Variants in PTPRT observed in about 807,000 individuals in gnomAD.
PTPRT encodes protein tyrosine phosphatase receptor type T.
In PTPRT, 56 loss-of-function variants were observed where a neutral mutation model predicts 176.8. The observed-to-expected ratio is 0.32, with a 90% CI of 0.26 to 0.40. The LOEUF (loss-of-function observed/expected upper bound fraction) is 0.40, where lower values mean the gene tolerates loss of function less well. PTPRT is among the 10% of genes least tolerant of loss of function. PTPRT has a pLI of 1.00. For synonymous variants in PTPRT, 783 were observed against 739.0 expected (o/e 1.06, Z -0.96); for missense variants, 1,540 against 1,908.2 (o/e 0.81, Z 3.60).
chr20:42,270,383 G>A, intron 13 of PTPRT: 2 of 1,546,816 alleles, frequency 1.3e-6, no homozygotes, highest in Non-Finnish European at 8.7e-7. Context: ...CCCGCCCAGG[G>A]CTCTGGTGAT....
chr20:42,211,008 T>C (rs868403441), intron 15 of PTPRT, among the ~76,000 whole-genome samples: 3,592 of 152,204 alleles, frequency 0.024, 62 homozygotes, highest in Middle Eastern at 0.051. Context: ...TACAACTGTC[T>C]GATCTTTGAC....
the PTPRT span, among the ~76,000 whole-genome samples, chr20:42,053,063 A>C: frequency 6.6e-6 from 1 of 152,196 alleles, no homozygotes; most frequent in African/African-American, 2.4e-5. Flanking sequence ...TTATTTATAA[A>C]AATAAGTGGC....
At chr20:43,023,113 A>G (rs959519645) in intron 1 of PTPRT, among the ~76,000 whole-genome samples, 2 of 152,200 alleles carry the variant, frequency 1.3e-5, no homozygotes, top group Non-Finnish European at 2.9e-5. Context: ...AATATGAAGG[A>G]CCAGAAGTAT....
chr20:42,105,653 G>A (rs1986369579), intron 24 of PTPRT, among the ~76,000 whole-genome samples: 1 of 152,214 alleles, frequency 6.6e-6, no homozygotes, highest in Non-Finnish European at 1.5e-5. Flanking sequence ...ATGTCTGACT[G>A]CAACCAGCAA....
At chr20:42,814,347 C>T (rs567385392) in intron 2 of PTPRT, among the ~76,000 whole-genome samples, 7 of 152,204 alleles carry the variant, frequency 4.6e-5, no homozygotes, top group Non-Finnish European at 7.4e-5. Context: ...GTGATCTTAA[C>T]GCAAATATCT....
intron 9 of PTPRT, among the ~76,000 whole-genome samples, chr20:42,409,520 T>TAAAAAAAAAAAA (rs2058993773): frequency 8.1e-6 from 1 of 123,148 alleles, no homozygotes; most frequent in Non-Finnish European, 1.7e-5. Flanking sequence ...AAAAAAAAAG[T>TAAAAAAAAAAAA]ATTATTTATA....
At chr20:43,187,070 G>A (rs917253310) in intron 1 of PTPRT, among the ~76,000 whole-genome samples, 1 of 152,142 alleles carries the variant, frequency 6.6e-6, no homozygotes, top group African/African-American at 2.4e-5. Flanking sequence ...AAACCGTCGT[G>A]GCTCAAGAAA....
intron 9 of PTPRT, among the ~76,000 whole-genome samples, chr20:42,396,613 G>T (rs933124124): frequency 6.6e-6 from 1 of 152,184 alleles, no homozygotes; most frequent in Non-Finnish European, 1.5e-5. Flanking sequence ...TTAGGCTATA[G>T]TGCAGTGGTG....
intron 1 of PTPRT, among the ~76,000 whole-genome samples, chr20:42,947,397 G>A (rs1250554307): frequency 6.6e-6 from 1 of 152,072 alleles, no homozygotes; most frequent in Non-Finnish European, 1.5e-5. Flanking sequence ...AAGGGAAGGG[G>A]TCCCCTTCCT....
At chr20:42,971,515 GT>G (rs1383530443) in intron 1 of PTPRT, 1 of 152,086 alleles carries the variant, frequency 6.6e-6, no homozygotes, top group Non-Finnish European at 1.5e-5. Context: ...CATGTGGTCT[GT>G]CCCCCACCCA....
chr20:42,281,602 C>T (rs2057140218), intron 13 of PTPRT, among the ~76,000 whole-genome samples: 1 of 152,106 alleles, frequency 6.6e-6, no homozygotes, highest in African/African-American at 2.4e-5. Context: ...CATACACATA[C>T]ATACTTGGGT....
intron 1 of PTPRT, among the ~76,000 whole-genome samples, chr20:42,903,902 T>A (rs565573518): frequency 6.6e-6 from 1 of 152,332 alleles, no homozygotes; most frequent in Admixed American, 6.5e-5. Flanking sequence ...TCCTCTCTAA[T>A]GTTGACACTT....
rs190814615 is a variant in PTPRT at position 43,107,042 on chromosome 20, G to A, written c.88+82604C>T. 8.3e-4 allele frequency among the ~76,000 whole-genome samples: 127 copies of A among 152,128 alleles called. 2 individuals are homozygous for A. In the East Asian group the frequency reaches 0.017, roughly 21 times the overall value. On this transcript the variant is annotated intron_variant, in intron 1 of 30. Transcript: ENST00000373187. ...CAATCTCAGGTGATCCGCCCGCCTC[G>A]GCCTCCCAAAGTGCTGGGATTACAG...
At chr20:42,487,954 T>C (rs2071492126) in intron 7 of PTPRT, among the ~76,000 whole-genome samples, 1 of 152,236 alleles carries the variant, frequency 6.6e-6, no homozygotes, top group Non-Finnish European at 1.5e-5. Context: ...TCTTGTAAAA[T>C]ACATGTAATT....
intron 1 of PTPRT, among the ~76,000 whole-genome samples, chr20:43,173,456 G>A (rs117518616): frequency 0.033 from 4,965 of 152,306 alleles, 139 homozygotes; most frequent in Admixed American, 0.068. Flanking sequence ...AAATGCAAAA[G>A]CAGTCCCATC....
chr20:42,497,068 G>T (rs544282085), intron 7 of PTPRT, among the ~76,000 whole-genome samples: 1 of 152,088 alleles, frequency 6.6e-6, no homozygotes, highest in East Asian at 1.9e-4. Context: ...CCCAGAGAAC[G>T]AATGGAACCA....
intron 12 of PTPRT, among the ~76,000 whole-genome samples, chr20:42,297,586 G>T (rs938195941): frequency 6.6e-6 from 1 of 152,094 alleles, no homozygotes; most frequent in Non-Finnish European, 1.5e-5. Context: ...ACTGAAAAAG[G>T]AAATCTCGAT....
chr20:43,125,431 T>C (rs2013404693), intron 1 of PTPRT, among the ~76,000 whole-genome samples: 1 of 151,974 alleles, frequency 6.6e-6, no homozygotes, highest in African/African-American at 2.4e-5. Flanking sequence ...AATAGAAAAA[T>C]CCCTGTTAAT....
At chr20:42,125,463 A>G (rs372578011) in intron 19 of PTPRT, among the ~76,000 whole-genome samples, 9 of 152,178 alleles carry the variant, frequency 5.9e-5, no homozygotes, top group Non-Finnish European at 1.2e-4. Context: ...CTGGAGTTCA[A>G]TATCCCATAA....
Sources: allele counts gnomAD v4.1 joint callset (sites outside exome capture counted in the v4.1 genomes callset), GRCh38; gene constraint gnomAD v4.1.1; transcripts MANE v1.5; gene names NCBI Gene and HGNC (gene_info 2026-07-23, HGNC 2026-07-21).